The following CCT8 variants were observed in gnomAD, a reference collection of about 807,000 sequenced individuals.
CCT8 encodes T-complex protein 1 subunit theta.
A neutral mutation model predicts 65.7 loss-of-function variants in CCT8; 10 were observed. The ratio of observed to expected loss-of-function variants is 0.15; its 90% CI spans 0.09 to 0.26. The LOEUF is 0.26. Ranked by LOEUF, CCT8 falls within the 10% of genes least tolerant of loss-of-function variation. CCT8 has a pLI of 1.00. For synonymous variants in CCT8, 199 were observed against 221.8 expected (o/e 0.90, Z 0.92); for missense variants, 568 against 669.1 (o/e 0.85, Z 1.67).
intron 1 of CCT8, 172 bp downstream of exon 1, chr21:29,073,359 G>A (rs1568917671): frequency 7.0e-7 from 1 of 1,431,598 alleles, no homozygotes; most frequent in East Asian, 2.5e-5. Context: ...AGTGCCCGCA[G>A]GCTCCGGTGG....
intron 3 of CCT8, 45 bp from the exon 4 acceptor site, chr21:29,067,750 C>A (rs1217684656): frequency 7.6e-7 from 1 of 1,312,054 alleles, no homozygotes; most frequent in African/African-American, 1.5e-5. Context: ...ATCCTTAAAG[C>A]AACATAAAAT....
chr21:29,056,622 T>C lies in CCT8; in HGVS notation c.1570-70A>G, dbSNP rs1488759559. 7.5e-6 allele frequency: 7 copies of C among 928,968 alleles called. No homozygotes were observed. The East Asian group carries it at 2.0e-4, about 26-fold the overall frequency. The allele number at this position is 928,968 out of a possible 1,614,324, so 57.5% of individuals were successfully genotyped here. ...CTTTAGAATGAAAAGAATGCTTCTA[T>C]TAGCATGATTTAAGATTAAGCAGTC... On this transcript the variant is annotated intron_variant, in intron 14 of 14. Coordinates refer to ENST00000286788, the MANE Select transcript of CCT8 (RefSeq NM_006585.4).
chr21:29,063,371 A>G lies in CCT8; in HGVS notation c.922T>C (p.Tyr308His), dbSNP rs1011725777. Residue 308 changes from tyrosine (Y) to histidine (H), a missense_variant, in exon 8 of 15, where the codon TAT (tyrosine) becomes CAT (histidine). By Grantham distance (83) the Tyr-to-His change is moderately conservative. Coordinates refer to ENST00000286788, the MANE Select transcript of CCT8 (RefSeq NM_006585.4). ...ADMALHYANK[Y>H]NIMLVRLNSK... ...TCTTACCTCACTAACATGATATTAT[A>G]TTTATTTGCATAATGAAGAGCCATG... 6.2e-7 allele frequency: 1 copy of G among 1,612,990 alleles called. No homozygotes were observed. Among genetic ancestry groups the G allele is most frequent in the East Asian group, 2.2e-5 (1 of 44,884 alleles).
At chr21:29,067,743 C>A in intron 3 of CCT8, 38 bp from the exon 4 acceptor site, 1 of 1,317,874 alleles carries the variant, frequency 7.6e-7, no homozygotes, top group South Asian at 2.8e-5. Flanking sequence ...ACATCTGATC[C>A]TTAAAGCAAC....
At chr21:29,063,632 A>T in intron 7 of CCT8, 102 bp from the exon 8 acceptor site, 1 of 1,087,688 alleles carries the variant, frequency 9.2e-7, no homozygotes, top group Non-Finnish European at 1.3e-6. Flanking sequence ...TTGGCAAAAA[A>T]ATATGAAGAT....
chr21:29,061,624 T>C, intron 11 of CCT8, 57 bp from the exon 12 acceptor site: 1 of 1,548,074 alleles, frequency 6.5e-7, no homozygotes, highest in South Asian at 1.1e-5. Flanking sequence ...TCACTAAAAA[T>C]CAGTTTGCAG....
At chr21:29,069,350 T>G in intron 3 of CCT8, 73 bp downstream of exon 3, 1 of 790,578 alleles carries the variant, frequency 1.3e-6, no homozygotes, top group African/African-American at 1.8e-5. Context: ...AAATAAGAGA[T>G]TTCTTCTAGT....
chr21:29,073,436 G>T (rs1263594811), intron 1 of CCT8, 95 bp downstream of exon 1: 2 of 1,594,254 alleles, frequency 1.3e-6, no homozygotes, highest in Non-Finnish European at 1.7e-6. Context: ...AGCCAGGGCA[G>T]CACGCTCAGC....
chr21:29,071,823 TCC>T (rs2085683448), intron 1 of CCT8: 1 of 626,586 alleles, frequency 1.6e-6, no homozygotes, highest in Non-Finnish European at 2.8e-6. Context: ...TTTGATCAGA[TCC>T]CCTCATTCCC....
intron 11 of CCT8, 72 bp from the exon 12 acceptor site, chr21:29,061,639 CT>C (rs2085565672): frequency 6.9e-7 from 1 of 1,446,962 alleles, no homozygotes; most frequent in Non-Finnish European, 9.6e-7. Flanking sequence ...TTGCAGTTTT[CT>C]AATCTTTTCA....
intron 14 of CCT8, among the ~76,000 whole-genome samples, chr21:29,057,788 T>C (rs1027592998): frequency 1.4e-5 from 2 of 142,532 alleles, no homozygotes; most frequent in Non-Finnish European, 3.0e-5. Context: ...ATATGAGATA[T>C]GTATGATATA....
intron 14 of CCT8, among the ~76,000 whole-genome samples, chr21:29,058,382 A>C (rs1011640790): frequency 1.3e-5 from 2 of 151,894 alleles, no homozygotes; most frequent in African/African-American, 4.8e-5. Context: ...TGGCGGTTGC[A>C]GTAAGCTGAG....
intron 2 of CCT8, among the ~76,000 whole-genome samples, chr21:29,069,945 C>T (rs535109454): frequency 2.0e-5 from 3 of 152,294 alleles, no homozygotes; most frequent in African/African-American, 7.2e-5. Context: ...CTTCCTTAAA[C>T]TATGTCACTT....
At position 29,070,294 on chromosome 21, in the gene CCT8, G is replaced by A; in HGVS notation, c.104C>T (p.Ala35Val). ...LEEAVYRNIQ[A>V]CKELAQTTRT... ...AGTGGTTTGGGCAAGCTCCTTGCAA[G>A]CTTGTATGTTTCTATACACAGCCTC... Residue 35 changes from alanine (A) to valine (V), a missense_variant, in exon 2 of 15, where the codon GCT (alanine) becomes GTT (valine). Transcript: ENST00000286788. 6.2e-7 allele frequency: 1 copy of A among 1,612,482 alleles called. No homozygotes were observed. The highest frequency in any genetic ancestry group is 1.7e-4 in the Middle Eastern group (1 of 6,058).
Position 29,065,110 on chromosome 21 carries a change from G to A in CCT8, c.625-5C>T. ...AGAGGAACTGATACCAGAGCCCTAA[G>A]GAATTGAATACCAAACTCATCAGCA... On this transcript the variant is annotated splice_region_variant and splice_polypyrimidine_tract_variant and intron_variant, in intron 6 of 14. Coordinates refer to ENST00000286788, the MANE Select transcript of CCT8 (RefSeq NM_006585.4). The A allele has an allele frequency of 6.2e-7, 1 of 1,613,330 alleles. No individual in the cohort carries two copies. Among genetic ancestry groups the A allele is most frequent in the Non-Finnish European group, 8.5e-7 (1 of 1,179,684 alleles).
intron 14 of CCT8, chr21:29,059,635 C>T (rs751517467): frequency 1.3e-5 from 2 of 152,212 alleles, no homozygotes; most frequent in Non-Finnish European, 2.9e-5. Context: ...ACATATTCTT[C>T]CATTGAAAAT....
intron 13 of CCT8, 45 bp downstream of exon 13, chr21:29,061,208 C>T: frequency 7.0e-7 from 1 of 1,426,066 alleles, no homozygotes; most frequent in Non-Finnish European, 9.9e-7. Context: ...TTAGGTTGTG[C>T]ATTCCCCAAA....
chr21:29,067,230 A>G (rs1297865161), intron 4 of CCT8, among the ~76,000 whole-genome samples, 159 bp from the exon 5 acceptor site: 5 of 152,242 alleles, frequency 3.3e-5, no homozygotes, highest in Non-Finnish European at 7.3e-5. Context: ...GGAGGCTTAG[A>G]TGACAGCCCA....
chr21:29,073,264 G>C, intron 1 of CCT8: 1 of 1,280,628 alleles, frequency 7.8e-7, no homozygotes, highest in Non-Finnish European at 9.9e-7. Context: ...ACGCACGCGC[G>C]GCTTCACATC....
Sources: allele counts gnomAD v4.1 joint callset (sites outside exome capture counted in the v4.1 genomes callset), GRCh38; gene constraint gnomAD v4.1.1; transcripts MANE v1.5; gene names NCBI Gene and HGNC (gene_info 2026-07-23, HGNC 2026-07-21).